RGS3: variants seen among roughly 807,000 people sequenced by gnomAD.
The protein encoded by RGS3 is regulator of G protein signaling 3.
A neutral mutation model predicts 132.6 loss-of-function variants in RGS3; 80 were observed. The ratio of observed to expected loss-of-function variants is 0.60; its 90% CI spans 0.50 to 0.73. RGS3 has a LOEUF of 0.73. RGS3 is among the 30% of genes least tolerant of loss of function. RGS3 has a pLI of 0.00. For synonymous variants in RGS3, 598 were observed against 620.6 expected, an observed-to-expected ratio of 0.96 and a Z score of 0.54; for missense variants, 1,382 against 1,530.8, an observed-to-expected ratio of 0.90 and a Z score of 1.62.
intron 10 of RGS3, chr9:113,505,198 C>T (rs1261807535): frequency 1.8e-6 from 1 of 547,248 alleles, no homozygotes; most frequent in African/African-American, 1.9e-5. Context: ...CCATCCCAGG[C>T]CCTCCCCACA....
rs776519449 is a variant in RGS3 at position 113,463,028 on chromosome 9, G to A, written c.415+827G>A. On this transcript the variant is annotated intron_variant, in intron 3 of 24. Coordinates refer to ENST00000350696, the Ensembl canonical transcript of RGS3. This position sits in a 1 kb window ranked among gnomAD's most constrained non-coding sequence, Gnocchi z 4.6. ...TTTGACCTTCCAGCTCTGCCTCCCC[G>A]CACCAGGCTGGGGGATTCACCCACC... Among the ~76,000 whole-genome samples the A allele has an allele frequency of 5.3e-5, 8 of 152,104 alleles. No homozygotes were observed. Among genetic ancestry groups the A allele is most frequent in the Non-Finnish European group, 1.0e-4 (7 of 68,002 alleles).
intron 7 of RGS3, among the ~76,000 whole-genome samples, chr9:113,493,947 A>G (rs1004773178): frequency 3.9e-5 from 6 of 152,058 alleles, no homozygotes; most frequent in African/African-American, 1.4e-4. Context: ...TTTGGTTTTG[A>G]TATTGTGCCT....
intron 17 of RGS3, among the ~76,000 whole-genome samples, chr9:113,526,789 G>A (rs1398545840): frequency 6.6e-6 from 1 of 152,170 alleles, no homozygotes; most frequent in Non-Finnish European, 1.5e-5. Context: ...GGTCCACTCT[G>A]GAACCCAATG....
chr9:113,535,531 G>T (rs1308241071), intron 18 of RGS3, among the ~76,000 whole-genome samples: 1 of 152,162 alleles, frequency 6.6e-6, no homozygotes, highest in Non-Finnish European at 1.5e-5. Context: ...GTTTGTTGAG[G>T]CCTGATTGTT....
At chr9:113,554,065 T>G (rs1226204262) in intron 19 of RGS3, among the ~76,000 whole-genome samples, 3 of 152,216 alleles carry the variant, frequency 2.0e-5, no homozygotes, top group Non-Finnish European at 1.5e-5. Flanking sequence ...TTCCTTCTGT[T>G]TACACATGTC....
At chr9:113,466,685 AT>A (rs2119173615) in intron 3 of RGS3, among the ~76,000 whole-genome samples, 1 of 152,248 alleles carries the variant, frequency 6.6e-6, no homozygotes, top group Admixed American at 6.5e-5. Context: ...TGTATATTTT[AT>A]TTTGATTAGG....
At chr9:113,563,720 C>G (rs2118833797) in intron 19 of RGS3, among the ~76,000 whole-genome samples, 1 of 152,288 alleles carries the variant, frequency 6.6e-6, no homozygotes, top group East Asian at 1.9e-4. Flanking sequence ...GTGACCAACT[C>G]AGAGGAGGGC....
chr9:113,581,029 G>A, intron 19 of RGS3: 1 of 944,664 alleles, frequency 1.1e-6, no homozygotes, highest in Non-Finnish European at 1.3e-6. Flanking sequence ...CCAGGGGGTG[G>A]GTCGGGGGGA....
At chr9:113,546,103 C>A (rs1391218257) in intron 19 of RGS3, among the ~76,000 whole-genome samples, 1 of 152,190 alleles carries the variant, frequency 6.6e-6, no homozygotes, top group African/African-American at 2.4e-5. Context: ...CCAGGCTCTC[C>A]TTGGTAGCAC....
In RGS3 at chr9:113,506,331, C is replaced by T. The variant is rs1831131318; in HGVS notation, c.980-57C>T. 19 of 1,134,014 alleles carry T rather than the reference C, an allele frequency of 1.7e-5. No homozygotes were observed. Among genetic ancestry groups the T allele is most frequent in the African/African-American group, 3.1e-5 (2 of 65,082 alleles). 70.2% of individuals were successfully genotyped at this position (1,134,014 alleles called of 1,614,324 possible). On this transcript the variant is annotated intron_variant, in intron 11 of 24. Coordinates refer to ENST00000350696, the Ensembl canonical transcript of RGS3. The surrounding 1 kb of genome is among the most constrained non-coding windows in gnomAD (Gnocchi z 4.7). ...CCATGGCAGCAAAGGACTCCAGATC[C>T]TTTGAAGGGGTCTTAGGCTTCAGGG...
chr9:113,547,900 A>T (rs1588233818), intron 19 of RGS3, among the ~76,000 whole-genome samples: 2 of 152,340 alleles, frequency 1.3e-5, no homozygotes, highest in South Asian at 4.1e-4. Flanking sequence ...TATTATTGCT[A>T]TATGGTTTTC....
At chr9:113,461,104 G>GTA (rs1471742221) in intron 1 of RGS3, among the ~76,000 whole-genome samples, 1 of 152,134 alleles carries the variant, frequency 6.6e-6, no homozygotes, top group Non-Finnish European at 1.5e-5. Flanking sequence ...TTATGTATGT[G>GTA]TATATGTGCA....
chr9:113,541,829 C>T (rs1021426858), intron 19 of RGS3: 5 of 991,558 alleles, frequency 5.0e-6, no homozygotes, highest in Non-Finnish European at 6.0e-6. Context: ...GACATCTCCG[C>T]CCATCCACTC....
At chr9:113,509,566 T>C (rs553520810) in intron 14 of RGS3, among the ~76,000 whole-genome samples, 1 of 152,316 alleles carries the variant, frequency 6.6e-6, no homozygotes, top group South Asian at 2.1e-4. Context: ...GGCTGAGATA[T>C]TGGTCTTGAG....
chr9:113,465,168 G>T (rs747083189), intron 3 of RGS3, among the ~76,000 whole-genome samples: 1 of 152,210 alleles, frequency 6.6e-6, no homozygotes, highest in Non-Finnish European at 1.5e-5. Context: ...GTGAGACAAG[G>T]GTGGTTTCCA....
intron 10 of RGS3, among the ~76,000 whole-genome samples, chr9:113,501,147 G>A (rs961562632): frequency 2.0e-5 from 3 of 152,156 alleles, no homozygotes; most frequent in Non-Finnish European, 4.4e-5. Context: ...TTCTAGCAGG[G>A]TCCCTGGGAC....
At chr9:113,595,036 C>T (rs1835689301) in intron 23 of RGS3, 56 bp downstream of exon 21, 1 of 1,514,046 alleles carries the variant, frequency 6.6e-7, no homozygotes, top group Admixed American at 1.7e-5. Context: ...CCCCTTCGCC[C>T]CCATCCAGAC....
chr9:113,576,199 CA>C (rs1028508506), intron 19 of RGS3, among the ~76,000 whole-genome samples: 2 of 150,210 alleles, frequency 1.3e-5, no homozygotes, highest in East Asian at 2.0e-4. Flanking sequence ...GACTCCATCT[CA>C]AAAAAAACAA....
chr9:113,548,203 A>T (rs965019069), intron 19 of RGS3, among the ~76,000 whole-genome samples: 1 of 152,238 alleles, frequency 6.6e-6, no homozygotes, highest in Non-Finnish European at 1.5e-5. Context: ...GGCCAAGGGC[A>T]TGTAGTCGGG....
Sources: allele counts gnomAD v4.1 joint callset (sites outside exome capture counted in the v4.1 genomes callset), GRCh38; gene constraint gnomAD v4.1.1; non-coding constraint Gnocchi (gnomAD v3.1); transcripts MANE v1.5; gene names NCBI Gene and HGNC (gene_info 2026-07-23, HGNC 2026-07-21).